TEX14: variants seen among roughly 807,000 people sequenced by gnomAD.
TEX14 encodes inactive serine/threonine-protein kinase TEX14.
A neutral mutation model predicts 178.6 loss-of-function variants in TEX14; 168 were observed. That is an observed-to-expected ratio of 0.94 (90% CI 0.83 to 1.07). The LOEUF (loss-of-function observed/expected upper bound fraction) is 1.07, where lower values mean the gene tolerates loss of function less well. Ranked by LOEUF, TEX14 falls within the 50% of genes least tolerant of loss-of-function variation. The probability of loss-of-function intolerance (pLI) is 0.00; values close to 1 mark genes in which losing one functional copy is unlikely to be tolerated. For missense variants in TEX14, 1,730 were observed against 1,753.6 expected (o/e 0.99, Z 0.24); for synonymous variants, 626 against 634.1 (o/e 0.99, Z 0.19).
chr17:58,569,269 T>C lies in TEX14; in HGVS notation c.3818-9A>G. 1.9e-6 allele frequency: 3 copies of C among 1,613,038 alleles called. No individual in the cohort carries two copies. The highest frequency in any genetic ancestry group is 2.5e-6 in the Non-Finnish European group (3 of 1,179,202). On this transcript the variant is annotated splice_polypyrimidine_tract_variant and intron_variant, in intron 25 of 31. Transcript: ENST00000349033. The surrounding 1 kb of genome is among the most constrained non-coding windows in gnomAD (Gnocchi z 4.1). ...CTGTGAGAAGGCTTCTACTAGTTTTTAAAAAAGACAAAAGGGAAAATGTCT... is the reference window on the plus strand; with the variant it reads ...CTGTGAGAAGGCTTCTACTAGTTTTCAAAAAAGACAAAAGGGAAAATGTCT...
chr17:58,673,963 G>A (rs1312765774), intron 1 of TEX14, among the ~76,000 whole-genome samples: 1 of 152,098 alleles, frequency 6.6e-6, no homozygotes, highest in Non-Finnish European at 1.5e-5. Flanking sequence ...TAAATGGAAT[G>A]TTACTAGTTC....
At chr17:58,631,562 T>C (rs929893830) in intron 2 of TEX14, 2 of 151,538 alleles carry the variant, frequency 1.3e-5, no homozygotes, top group East Asian at 3.9e-4. Context: ...AACACACATC[T>C]GGCATAACCT....
intron 5 of TEX14, 52 bp downstream of exon 5, chr17:58,621,598 G>A (rs2144547990): frequency 4.5e-6 from 7 of 1,549,598 alleles, no homozygotes; most frequent in South Asian, 3.6e-5. Context: ...GGGCTCCCAC[G>A]AGGAAGGCTG....
chr17:58,611,862 C>G (rs1173124275), intron 9 of TEX14, among the ~76,000 whole-genome samples: 3 of 152,152 alleles, frequency 2.0e-5, no homozygotes, highest in Non-Finnish European at 4.4e-5. Context: ...GGTCTCTCCC[C>G]CAGAGAAATG....
At chr17:58,631,585 T>C (rs923248372) in intron 2 of TEX14, 10 of 150,620 alleles carry the variant, frequency 6.6e-5, no homozygotes, top group Admixed American at 2.0e-4. Flanking sequence ...TACTCAAAAA[T>C]TAAAAACATG....
intron 3 of TEX14, among the ~76,000 whole-genome samples, chr17:58,629,117 A>G (rs1400381529): frequency 6.6e-6 from 1 of 152,166 alleles, no homozygotes; most frequent in Non-Finnish European, 1.5e-5. Flanking sequence ...GAAGGTGTCA[A>G]ATAAGCTAAT....
intron 1 of TEX14, chr17:58,659,417 G>A (rs1255705002): frequency 4.6e-6 from 3 of 649,404 alleles, no homozygotes; most frequent in East Asian, 1.4e-4. Context: ...CCGCTTCTTC[G>A]TATGACACAT....
intron 1 of TEX14, among the ~76,000 whole-genome samples, chr17:58,659,710 A>C (rs1268561811): frequency 1.3e-5 from 2 of 152,172 alleles, no homozygotes; most frequent in Admixed American, 1.3e-4. Flanking sequence ...CAGAGAATTC[A>C]TACAGCCATT....
chr17:58,647,477 A>T (rs1055123763), intron 2 of TEX14, among the ~76,000 whole-genome samples: 3 of 150,724 alleles, frequency 2.0e-5, no homozygotes, highest in Non-Finnish European at 4.4e-5. Flanking sequence ...GCTTGCAGTG[A>T]GCTGAGATCG....
intron 15 of TEX14, among the ~76,000 whole-genome samples, chr17:58,592,462 G>A (rs2045172690): frequency 6.6e-6 from 1 of 151,972 alleles, no homozygotes; most frequent in African/African-American, 2.4e-5. Flanking sequence ...AGCCTCCCGA[G>A]TAGCTGGGAC....
intron 1 of TEX14, among the ~76,000 whole-genome samples, chr17:58,680,559 T>C (rs868169581): frequency 6.6e-6 from 1 of 152,014 alleles, no homozygotes; most frequent in African/African-American, 2.4e-5. Flanking sequence ...CTGGCCAACA[T>C]GGTAAAACCC....
intron 10 of TEX14, among the ~76,000 whole-genome samples, chr17:58,608,664 C>T (rs1567733188): frequency 6.6e-6 from 1 of 152,208 alleles, no homozygotes; most frequent in African/African-American, 2.4e-5. Context: ...CACAGACACA[C>T]TTGTATAAAA....
At chr17:58,630,255 A>T (rs1255374417) in intron 3 of TEX14, among the ~76,000 whole-genome samples, 185 bp downstream of exon 3, 1 of 150,508 alleles carries the variant, frequency 6.6e-6, no homozygotes, top group Non-Finnish European at 1.5e-5. Context: ...GCAGGGTTTC[A>T]CCATGTTGGT....
chr17:58,567,707 T>G (rs1241337794), intron 26 of TEX14: 1 of 152,216 alleles, frequency 6.6e-6, no homozygotes, highest in Admixed American at 6.5e-5. Context: ...CCCTCTGCCC[T>G]TTATCCTTCT....
chr17:58,638,487 C>T (rs1337178178), intron 2 of TEX14, among the ~76,000 whole-genome samples: 2 of 152,170 alleles, frequency 1.3e-5, no homozygotes, highest in African/African-American at 4.8e-5. Context: ...TACTACTCAC[C>T]CATAAAAATG....
chr17:58,571,569 A>G (rs985065292), intron 24 of TEX14, among the ~76,000 whole-genome samples: 1 of 152,052 alleles, frequency 6.6e-6, no homozygotes, highest in Non-Finnish European at 1.5e-5. Flanking sequence ...TAGGGTACAC[A>G]TATGAGAAAG....
Position 58,588,135 on chromosome 17 carries a change from C to T in TEX14, c.2577-114G>A, listed in dbSNP as rs993626849. The T allele has an allele frequency of 7.5e-5, 47 of 625,628 alleles. 1 individual carries two copies. Among genetic ancestry groups the T allele is most frequent in the Middle Eastern group, 3.8e-4 (1 of 2,656 alleles). 38.8% of individuals were successfully genotyped at this position (625,628 alleles called of 1,614,324 possible). The stretch of plus-strand genomic sequence containing the variant: ...GAGATTTTCAGAGGTAGAAGAAACC[C>T]GCAGTTGAAGCGCAGTTTCACAAGA... On this transcript the variant is annotated intron_variant, in intron 15 of 31. Coordinates refer to ENST00000349033, the MANE Select transcript of TEX14 (RefSeq NM_031272.5).
At chr17:58,690,198 G>A (rs776861210) in intron 1 of TEX14, among the ~76,000 whole-genome samples, 2 of 151,576 alleles carry the variant, frequency 1.3e-5, no homozygotes, top group Admixed American at 1.3e-4. Context: ...ATGGAGTCTC[G>A]CTCTGTCGCC....
chr17:58,621,543 G>T, intron 5 of TEX14, 107 bp downstream of exon 5: 1 of 1,188,834 alleles, frequency 8.4e-7, no homozygotes, highest in Non-Finnish European at 1.2e-6. Context: ...TGGGCCAGAT[G>T]CCAGAGGGCA....
Sources: gnomAD v4.1 joint callset for allele counts (sites outside exome capture counted in the v4.1 genomes callset) on GRCh38, gnomAD v4.1.1 for gene constraint, Gnocchi (gnomAD v3.1) non-coding constraint, MANE v1.5 for transcripts, NCBI Gene and HGNC (gene_info 2026-07-23, HGNC 2026-07-21) for gene names.